The following SERPINA3 variants were observed in gnomAD, a reference collection of about 807,000 sequenced individuals.
SERPINA3 encodes alpha-1-antichymotrypsin.
A neutral mutation model predicts 26.8 loss-of-function variants in SERPINA3; 32 were observed. The ratio of observed to expected loss-of-function variants is 1.20; its 90% confidence interval spans 0.90 to 1.61. SERPINA3 has a LOEUF of 1.61. Among genes scored for constraint, SERPINA3 ranks in the 40% most tolerant of loss-of-function variants. The pLI is 0.00. For synonymous variants in SERPINA3, 252 were observed against 206.4 expected, an observed-to-expected ratio of 1.22 and a Z score of -1.89; for missense variants, 632 against 517.9, an observed-to-expected ratio of 1.22 and a Z score of -2.14.
Position 94,622,248 on chromosome 14 carries a change from T to C in SERPINA3, c.918-93T>C, listed in dbSNP as rs757709747. The C allele has an allele frequency of 2.9e-4, 346 of 1,179,112 alleles. 3 individuals carry two copies. Among genetic ancestry groups the C allele is most frequent in the South Asian group, 2.4e-3 (194 of 81,984 alleles). 73.0% of individuals were successfully genotyped at this position (1,179,112 alleles called of 1,614,324 possible). A position where few individuals can be genotyped will look rare whatever the true frequency, so the allele number is the denominator to read the frequency against. ...TTTTCCAATCAGAAGGGGGTGACTG[T>C]AGAGGAAACCAGGGAAGACCATGCT... is the stretch of plus-strand genomic sequence containing the variant. On this transcript the variant is annotated intron_variant, in intron 3 of 4. Transcript: ENST00000393078.
At chr14:94,618,235 T>C (rs1462932258) in intron 2 of SERPINA3, 1 of 152,218 alleles carries the variant, frequency 6.6e-6, no homozygotes, top group East Asian at 1.9e-4. Flanking sequence ...TCCCTCTGCC[T>C]CTACCTCTAC....
In SERPINA3 at chr14:94,614,660, C is replaced by CT; in HGVS notation, c.219_220insT (p.Ile74TyrfsTer20). 2 of 1,614,100 alleles carry CT rather than the reference C, an allele frequency of 1.2e-6. No homozygotes were observed. The highest frequency in any genetic ancestry group is 2.2e-5 in the South Asian group (2 of 91,060). On this transcript the variant is annotated frameshift_variant, in exon 2 of 5. Transcript: ENST00000393078. LOFTEE classifies it high-confidence loss of function. ...TCCTGAAGGCCCCTGATAAGAATGT[C>CT]ATCTTCTCCCCACTGAGCATCTCCA...
At chr14:94,613,171 C>T (rs1885847521) in intron 1 of SERPINA3, among the ~76,000 whole-genome samples, 1 of 149,510 alleles carries the variant, frequency 6.7e-6, no homozygotes, top group Non-Finnish European at 1.5e-5. Context: ...CCTCCTTCCC[C>T]TCCTTCCCCT....
intron 2 of SERPINA3, chr14:94,618,983 A>G: frequency 1.6e-6 from 1 of 627,038 alleles, no homozygotes; most frequent in East Asian, 2.8e-5. Context: ...AGCACAAGGA[A>G]CTAGGTCTTT....
intron 2 of SERPINA3, chr14:94,615,427 C>G: frequency 2.1e-6 from 1 of 472,124 alleles, no homozygotes; most frequent in Admixed American, 2.3e-5. Context: ...GAGCTCCCTC[C>G]TTGCAGGGGT....
rs187779199 is a variant in SERPINA3 at position 94,618,573 on chromosome 14, A to G, written c.644-622A>G. The G allele has an allele frequency of 4.8e-5, 8 of 166,734 alleles. No homozygotes were observed. In the South Asian group the frequency reaches 6.1e-4, roughly 13 times the overall value. The allele number at this position is 166,734 out of a possible 1,614,324, so 10.3% of individuals were successfully genotyped here. The stretch of plus-strand genomic sequence containing the variant: ...GGCTTTTGTGATGTCCAACACCGCT[A>G]TCCTCTAAGATGTCACAAGTGTCCC... On this transcript the variant is annotated intron_variant, in intron 2 of 4. Transcript: ENST00000393078.
intron 2 of SERPINA3, 143 bp downstream of exon 2, chr14:94,615,227 T>A: frequency 1.1e-6 from 1 of 918,732 alleles, no homozygotes; most frequent in Non-Finnish European, 1.8e-6. Flanking sequence ...GGCCCCACCC[T>A]GCCCATAGGC....
In SERPINA3 at chr14:94,615,005, T is replaced by G; in HGVS notation, c.564T>G (p.Thr188=). The G allele has an allele frequency of 6.2e-7, 1 of 1,614,170 alleles. No homozygotes were observed. The highest frequency in any genetic ancestry group is 8.5e-7 in the Non-Finnish European group (1 of 1,180,026). Residue 188 remains threonine (T), a synonymous_variant, in exon 2 of 5, where the codon ACT becomes ACG. Transcript: ENST00000393078. ...KLINDYVKNG[T]RGKITDLIKD... ...TCAACGACTACGTGAAGAATGGAACTAGGGGGAAAATCACAGATCTGATCA... is the reference window on the plus strand; with the variant it reads ...TCAACGACTACGTGAAGAATGGAACGAGGGGGAAAATCACAGATCTGATCA...
rs754246590 is a variant in SERPINA3 at position 94,614,689 on chromosome 14, C to T, written c.248C>T (p.Ala83Val). The part of the protein sequence containing the change: ...VIFSPLSIST[A>V]LAFLSLGAHN... The stretch of plus-strand genomic sequence containing the variant: ...TTCTCCCCACTGAGCATCTCCACCG[C>T]CTTGGCCTTCCTGTCTCTGGGGGCC... Residue 83 changes from alanine to valine, a missense_variant, in exon 2 of 5, where the codon GCC becomes GTC. Physicochemically the swap from Ala to Val is moderately conservative, Grantham distance 64 (BLOSUM62 0). Transcript: ENST00000393078. 10 of 1,614,034 alleles carry T rather than the reference C, an allele frequency of 6.2e-6. No individual in the cohort carries two copies. Among genetic ancestry groups the T allele is most frequent in the Admixed American group, 3.3e-5 (2 of 59,994 alleles).
At position 94,614,942 on chromosome 14, in the gene SERPINA3, C is replaced by T. The variant is rs752571962; in HGVS notation, c.501C>T (p.Ala167=). The T allele has an allele frequency of 5.0e-6, 8 of 1,613,334 alleles. No individual in the cohort carries two copies. The highest frequency in any genetic ancestry group is 6.8e-6 in the Non-Finnish European group (8 of 1,179,230). ...GGCTGTATGGCTCCGAGGCCTTTGC[C>T]ACTGACTTTCAGGACTCAGCTGCAG... is the stretch of plus-strand genomic sequence containing the variant. ...AKRLYGSEAF[A]TDFQDSAAAK... The change falls in exon 2 of 5, where the codon GCC becomes GCT. Residue 167 remains alanine, a synonymous_variant. Coordinates refer to ENST00000393078, the MANE Select transcript of SERPINA3 (RefSeq NM_001085.5).
intron 2 of SERPINA3, among the ~76,000 whole-genome samples, chr14:94,616,089 G>A (rs139371289): frequency 2.6e-4 from 39 of 152,266 alleles, no homozygotes; most frequent in African/African-American, 8.7e-4. Context: ...ACTACTCCAC[G>A]CCTCACGTGC....
chr14:94,621,821 G>A (rs1886212471), intron 3 of SERPINA3, among the ~76,000 whole-genome samples: 2 of 152,002 alleles, frequency 1.3e-5, no homozygotes, highest in East Asian at 1.9e-4. Flanking sequence ...ATCACCCACC[G>A]CCCCGTGGAG....
intron 4 of SERPINA3, among the ~76,000 whole-genome samples, chr14:94,622,978 GGCAGGGTGGCCAT>G (rs1246883919): frequency 6.6e-6 from 1 of 152,232 alleles, no homozygotes; most frequent in East Asian, 1.9e-4. Flanking sequence ...GAGGCGCCAA[GGCAGGGTGGCCAT>G]GCAGCCTTTT....
At chr14:94,623,039 T>C (rs1886265034) in intron 4 of SERPINA3, among the ~76,000 whole-genome samples, 2 of 152,302 alleles carry the variant, frequency 1.3e-5, no homozygotes, top group East Asian at 3.9e-4. Flanking sequence ...AGCACTGGGT[T>C]GAGGTCTGCA....
rs1006609066 is a variant in SERPINA3, at chr14:94,623,831, G to A, written c.*17G>A. ...CAAGCCTAGAGCTTGCCATCAAGCA[G>A]TGGGGCTCTCAGTAAGGAACTTGGA... is the stretch of plus-strand genomic sequence containing the variant. On this transcript the variant is annotated 3_prime_UTR_variant, in exon 5 of 5. Coordinates refer to ENST00000393078, the MANE Select transcript of SERPINA3 (RefSeq NM_001085.5). 5.6e-6 allele frequency: 9 copies of A among 1,611,038 alleles called. No individual in the cohort carries two copies. The highest frequency in any genetic ancestry group is 7.6e-6 in the Non-Finnish European group (9 of 1,177,702).
Position 94,622,492 on chromosome 14 carries a change from G to T in SERPINA3, c.1068+1G>T. The T allele has an allele frequency of 1.2e-6, 2 of 1,614,048 alleles. No individual in the cohort carries two copies. Among genetic ancestry groups the T allele is most frequent in the Non-Finnish European group, 1.7e-6 (2 of 1,179,984 alleles). ...GGCCAGGAACCTAGCAGTCTCCCAG[G>T]TGAGTCTTTAGACTTGGGTCAATTC... On this transcript the variant is annotated splice_donor_variant, in intron 4 of 4. Coordinates refer to ENST00000393078, the MANE Select transcript of SERPINA3 (RefSeq NM_001085.5). LOFTEE classifies it high-confidence loss of function.
intron 2 of SERPINA3, chr14:94,618,062 G>A (rs868434331): frequency 4.6e-5 from 7 of 152,082 alleles, no homozygotes; most frequent in Admixed American, 3.3e-4. Context: ...AACTAAATGC[G>A]TGCGAATCAT....
intron 4 of SERPINA3, chr14:94,622,887 T>A (rs1886257582): frequency 3.2e-6 from 1 of 313,228 alleles, no homozygotes; most frequent in African/African-American, 2.1e-5. Flanking sequence ...ATAACAATGA[T>A]TATCTGGCAA....
chr14:94,622,533 A>C, intron 4 of SERPINA3, 42 bp downstream of exon 4: 1 of 1,609,866 alleles, frequency 6.2e-7, no homozygotes, highest in Non-Finnish European at 8.5e-7. Flanking sequence ...TTGTATCCGA[A>C]CTTGAATTGG....
Sources: allele counts gnomAD v4.1 joint callset (sites outside exome capture counted in the v4.1 genomes callset), GRCh38; gene constraint gnomAD v4.1.1; transcripts MANE v1.5; gene names NCBI Gene and HGNC (gene_info 2026-07-23, HGNC 2026-07-21).